Variants in TYW1 observed in about 807,000 individuals in gnomAD.
The protein encoded by TYW1 is S-adenosyl-L-methionine-dependent tRNA 4-demethylwyosine synthase TYW1.
Under a neutral mutation model 96.2 loss-of-function variants are expected in TYW1, and 46 were observed. The ratio of observed to expected loss-of-function variants is 0.48; its 90% CI spans 0.38 to 0.61. The LOEUF is 0.61. TYW1 is among the 20% of genes least tolerant of loss of function. TYW1 has a pLI of 0.00. For synonymous variants in TYW1, 274 were observed against 323.0 expected, an observed-to-expected ratio of 0.85 and a Z score of 1.63; for missense variants, 684 against 909.6, an observed-to-expected ratio of 0.75 and a Z score of 3.19.
At chr7:67,174,222 A>G (rs2116271735) in intron 13 of TYW1, among the ~76,000 whole-genome samples, 1 of 152,226 alleles carries the variant, frequency 6.6e-6, no homozygotes, top group East Asian at 1.9e-4. Context: ...TTTTTCCCCC[A>G]TTACAAAAGT....
At chr7:67,205,978 T>C (rs1800784845) in intron 15 of TYW1, among the ~76,000 whole-genome samples, 1 of 152,224 alleles carries the variant, frequency 6.6e-6, no homozygotes. Context: ...GCTTGCCTTA[T>C]ATGTAATATC....
intron 13 of TYW1, among the ~76,000 whole-genome samples, chr7:67,121,527 G>A (rs1797760350): frequency 6.6e-6 from 1 of 152,110 alleles, no homozygotes; most frequent in Non-Finnish European, 1.5e-5. Flanking sequence ...GTCAACAAGA[G>A]CAAGACTCTG....
intron 7 of TYW1, among the ~76,000 whole-genome samples, chr7:67,042,467 G>C (rs1184707409): frequency 6.6e-6 from 1 of 152,120 alleles, no homozygotes; most frequent in Admixed American, 6.6e-5. Flanking sequence ...GGGTGTTAGG[G>C]GTGGCATGTT....
chr7:67,085,304 G>C (rs1796512987), intron 11 of TYW1, among the ~76,000 whole-genome samples: 1 of 152,164 alleles, frequency 6.6e-6, no homozygotes, highest in Admixed American at 6.5e-5. Context: ...GAGAGACCAG[G>C]TGGAGGTAAT....
intron 7 of TYW1, among the ~76,000 whole-genome samples, chr7:67,026,499 CAG>C (rs533794081): frequency 0.023 from 3,510 of 152,250 alleles, 60 homozygotes; most frequent in South Asian, 0.081. Flanking sequence ...TAGAGTGACT[CAG>C]AATGGTAAAG....
chr7:67,121,749 T>A (rs1396594903), intron 13 of TYW1, among the ~76,000 whole-genome samples: 1 of 150,892 alleles, frequency 6.6e-6, no homozygotes, highest in Non-Finnish European at 1.5e-5. Flanking sequence ...GTCCCAAGAT[T>A]TTCAGCCTAT....
At position 67,235,905 on chromosome 7, in the gene TYW1, A is replaced by G. The variant is rs112840954; in HGVS notation, c.1978-2403A>G. Among the ~76,000 whole-genome samples, 43 of 121,354 alleles carry G rather than the reference A, an allele frequency of 3.5e-4. 1 individual carries two copies. The highest frequency in any genetic ancestry group is 1.4e-3 in the African/African-American group (40 of 29,470). The allele number at this position is 121,354 out of a possible 152,430, so 79.6% of individuals were successfully genotyped here. ...CGAGACTCTGTCTCAAAAAAAAAAAAAAAAAGAAAAAGAGGTGAGGAAGAA... is the reference window on the plus strand; with the variant it reads ...CGAGACTCTGTCTCAAAAAAAAAAAGAAAAAGAAAAAGAGGTGAGGAAGAA... On this transcript the variant is annotated intron_variant, in intron 15 of 15. Coordinates refer to ENST00000359626, the MANE Select transcript of TYW1 (RefSeq NM_018264.4).
At chr7:67,219,162 A>T (rs1231995824) in intron 15 of TYW1, among the ~76,000 whole-genome samples, 1 of 152,178 alleles carries the variant, frequency 6.6e-6, no homozygotes, top group Non-Finnish European at 1.5e-5. Context: ...ATTAATTGAG[A>T]TGATCATGTG....
chr7:67,027,970 C>T (rs2129248509), intron 7 of TYW1, among the ~76,000 whole-genome samples: 1 of 150,510 alleles, frequency 6.6e-6, no homozygotes, highest in Admixed American at 6.6e-5. Context: ...TGTGGTGGCT[C>T]ATGCTTGTAA....
chr7:67,006,438 C>CTTTTT (rs34088521), intron 3 of TYW1, among the ~76,000 whole-genome samples: 7 of 114,754 alleles, frequency 6.1e-5, no homozygotes, highest in African/African-American at 1.6e-4. Flanking sequence ...TTCTTTTTTC[C>CTTTTT]TTTTTTTTTT....
At position 67,135,385 on chromosome 7, in the gene TYW1, A is replaced by G. The variant is rs534852073; in HGVS notation, c.1698+17767A>G. The stretch of plus-strand genomic sequence containing the variant: ...AGTGGCATGATCTTAGCATGCTGCA[A>G]CCTCCGCCTCCTGGGTTCAAGCGAT... On this transcript the variant is annotated intron_variant, in intron 13 of 15. Coordinates refer to ENST00000359626, the MANE Select transcript of TYW1 (RefSeq NM_018264.4). Among the ~76,000 whole-genome samples the G allele has an allele frequency of 5.5e-5, 8 of 144,356 alleles. No individual in the cohort carries two copies. In the East Asian group the frequency reaches 9.9e-4, roughly 18 times the overall value. 94.7% of individuals were successfully genotyped at this position (144,356 alleles called of 152,430 possible).
intron 13 of TYW1, among the ~76,000 whole-genome samples, chr7:67,163,144 A>T (rs1162404588): frequency 6.6e-6 from 1 of 152,108 alleles, no homozygotes; most frequent in African/African-American, 2.4e-5. Context: ...TTTTCATACT[A>T]TGGACTGTCT....
intron 13 of TYW1, among the ~76,000 whole-genome samples, chr7:67,170,966 AT>A (rs34655602): frequency 1.4e-4 from 21 of 151,630 alleles, no homozygotes; most frequent in African/African-American, 4.8e-4. Context: ...TTCCTCTGCT[AT>A]TTTTTTTGGA....
At chr7:67,222,806 G>T (rs1227305037) in intron 15 of TYW1, among the ~76,000 whole-genome samples, 1 of 149,606 alleles carries the variant, frequency 6.7e-6, no homozygotes, top group African/African-American at 2.5e-5. Flanking sequence ...AGATTGCCAC[G>T]TGCAAATGTC....
chr7:67,026,642 C>T (rs1794463678), intron 7 of TYW1, among the ~76,000 whole-genome samples: 1 of 151,478 alleles, frequency 6.6e-6, no homozygotes, highest in Non-Finnish European at 1.5e-5. Flanking sequence ...TATGAAAACC[C>T]TGGTGAAAGT....
Position 67,009,728 on chromosome 7 carries a change from C to T in TYW1, c.375+44C>T, listed in dbSNP as rs749629219. 8 of 1,487,540 alleles carry T rather than the reference C, an allele frequency of 5.4e-6. No homozygotes were observed. In the Admixed American group the frequency reaches 1.7e-4, roughly 31 times the overall value. 92.1% of individuals were successfully genotyped at this position (1,487,540 alleles called of 1,614,324 possible). On this transcript the variant is annotated intron_variant, in intron 4 of 15. Transcript: ENST00000359626. The stretch of plus-strand genomic sequence containing the variant: ...CTTCAGTCAAAACTCTCAAATTTAA[C>T]TGATCTGCAATCTTCACAGTAAATT...
At chr7:67,144,328 A>G (rs1798538546) in intron 13 of TYW1, among the ~76,000 whole-genome samples, 1 of 152,236 alleles carries the variant, frequency 6.6e-6, no homozygotes, top group African/African-American at 2.4e-5. Flanking sequence ...CCACAAGGGA[A>G]TAGAATTTTC....
In TYW1 at chr7:67,165,823, G is replaced by A. The variant is rs146339634; in HGVS notation, c.1699-17303G>A. Reference sequence around the variant, plus strand: ...CACACACCTCTAGTCCCAGCTGTTTGGGGGGCTGAGGCAGGAGGATCACTT... The same window carrying A: ...CACACACCTCTAGTCCCAGCTGTTTAGGGGGCTGAGGCAGGAGGATCACTT... On this transcript the variant is annotated intron_variant, in intron 13 of 15. Transcript: ENST00000359626. Among the ~76,000 whole-genome samples, 464 of 152,268 alleles carry A rather than the reference G, an allele frequency of 3.0e-3. 5 individuals carry two copies. Among genetic ancestry groups the A allele is most frequent in the African/African-American group, 0.01 (431 of 41,554 alleles).
At chr7:67,086,873 A>G (rs1397931634) in intron 11 of TYW1, among the ~76,000 whole-genome samples, 2 of 152,196 alleles carry the variant, frequency 1.3e-5, no homozygotes, top group Non-Finnish European at 2.9e-5. Context: ...TAGTAATATC[A>G]GAAGCAGGAA....
Sources: gnomAD v4.1 joint callset for allele counts (sites outside exome capture counted in the v4.1 genomes callset) on GRCh38, gnomAD v4.1.1 for gene constraint, MANE v1.5 for transcripts, NCBI Gene and HGNC (gene_info 2026-07-23, HGNC 2026-07-21) for gene names.